The following RGS7BP variants were observed in gnomAD, a reference collection of about 807,000 sequenced individuals.
RGS7BP encodes the protein regulator of G protein signaling 7-binding protein.
In RGS7BP, 9 loss-of-function variants were observed where a neutral mutation model predicts 31.3. That is an observed-to-expected ratio of 0.29 (90% CI 0.17 to 0.50). RGS7BP has a LOEUF of 0.50. Among genes scored for constraint, RGS7BP ranks in the 20% least tolerant of loss-of-function variants. RGS7BP has a pLI of 0.98. For synonymous variants in RGS7BP, 115 were observed against 120.1 expected, an observed-to-expected ratio of 0.96 and a Z score of 0.28; for missense variants, 274 against 322.0, an observed-to-expected ratio of 0.85 and a Z score of 1.14.
chr5:64,553,324 C>T (rs1741841962), intron 2 of RGS7BP, among the ~76,000 whole-genome samples: 1 of 151,926 alleles, frequency 6.6e-6, no homozygotes, highest in Non-Finnish European at 1.5e-5. Context: ...AGGCATGTGC[C>T]ACTACACCCA....
chr5:64,569,273 G>T (rs1450978470), intron 2 of RGS7BP, among the ~76,000 whole-genome samples: 2 of 151,532 alleles, frequency 1.3e-5, no homozygotes, highest in African/African-American at 2.4e-5. Context: ...AATCACACTT[G>T]CTAAGGCTCT....
intron 5 of RGS7BP, among the ~76,000 whole-genome samples, chr5:64,607,386 T>G (rs1388145753): frequency 1.3e-5 from 2 of 152,180 alleles, no homozygotes; most frequent in Middle Eastern, 3.4e-3. Context: ...GGCTACAACT[T>G]GGTTTTATAC....
At chr5:64,530,840 A>AAT (rs1272120234) in intron 2 of RGS7BP, among the ~76,000 whole-genome samples, 1 of 152,180 alleles carries the variant, frequency 6.6e-6, no homozygotes, top group Non-Finnish European at 1.5e-5. Flanking sequence ...CATTATTCCA[A>AAT]ATAATGCAAA....
intron 2 of RGS7BP, among the ~76,000 whole-genome samples, chr5:64,536,415 C>T (rs1426158424): frequency 2.0e-5 from 3 of 152,078 alleles, no homozygotes; most frequent in Non-Finnish European, 4.4e-5. Context: ...GATTATGTTC[C>T]TTATGGTGTT....
At chr5:64,558,980 A>C (rs1262699033) in intron 2 of RGS7BP, among the ~76,000 whole-genome samples, 3 of 152,168 alleles carry the variant, frequency 2.0e-5, no homozygotes, top group South Asian at 4.1e-4. Context: ...GATGTTTATC[A>C]ATGACAATGC....
chr5:64,606,967 T>C (rs1743381292), intron 5 of RGS7BP, among the ~76,000 whole-genome samples: 1 of 151,112 alleles, frequency 6.6e-6, no homozygotes, highest in Non-Finnish European at 1.5e-5. Flanking sequence ...TTTTAATCTC[T>C]GGAGACTGGG....
intron 4 of RGS7BP, among the ~76,000 whole-genome samples, chr5:64,595,874 T>C (rs1192432450): frequency 2.0e-5 from 3 of 152,218 alleles, no homozygotes; most frequent in Non-Finnish European, 4.4e-5. Context: ...TCTGTGTTTA[T>C]AGAAAATTGG....
chr5:64,569,614 C>T (rs1325799627), intron 2 of RGS7BP, among the ~76,000 whole-genome samples: 2 of 152,094 alleles, frequency 1.3e-5, no homozygotes, highest in Non-Finnish European at 2.9e-5. Context: ...TTCCCTGCCC[C>T]CAACTATCCA....
intron 2 of RGS7BP, among the ~76,000 whole-genome samples, chr5:64,542,465 A>T (rs1295809880): frequency 6.6e-6 from 1 of 152,232 alleles, no homozygotes; most frequent in Non-Finnish European, 1.5e-5. Flanking sequence ...GCCAGCCATG[A>T]CCCATAAATC....
At chr5:64,514,183 A>T (rs1455624221) in intron 2 of RGS7BP, among the ~76,000 whole-genome samples, 3 of 152,176 alleles carry the variant, frequency 2.0e-5, no homozygotes, top group African/African-American at 7.2e-5. Flanking sequence ...TTTTACAAGG[A>T]CAGTAGTCAT....
At position 64,551,220 on chromosome 5, in the gene RGS7BP, C is replaced by G. The variant is rs936589754; in HGVS notation, c.333-24554C>G. On this transcript the variant is annotated intron_variant, in intron 2 of 5. Transcript: ENST00000334025. Reference sequence around the variant, plus strand: ...CAAAGATTACTGTCTATAGAAGCATCCTGTGTCTTAAGGATTTTTTTTATT... The same window carrying G: ...CAAAGATTACTGTCTATAGAAGCATGCTGTGTCTTAAGGATTTTTTTTATT... Among the ~76,000 whole-genome samples, 5 of 151,158 alleles carry G rather than the reference C, an allele frequency of 3.3e-5. No homozygotes were observed. In the Middle Eastern group the frequency reaches 0.01, roughly 311 times the overall value.
intron 2 of RGS7BP, among the ~76,000 whole-genome samples, chr5:64,512,885 A>C (rs1402839801): frequency 6.6e-6 from 1 of 152,210 alleles, no homozygotes. Context: ...TACATAAATC[A>C]GCCTAGATTC....
At chr5:64,526,501 A>C (rs752136258) in intron 2 of RGS7BP, among the ~76,000 whole-genome samples, 1 of 152,158 alleles carries the variant, frequency 6.6e-6, no homozygotes, top group Non-Finnish European at 1.5e-5. Context: ...GTCTTTTCCT[A>C]ATTTGCAATC....
chr5:64,547,604 TTTAA>T (rs1741688678), intron 2 of RGS7BP, among the ~76,000 whole-genome samples: 1 of 152,154 alleles, frequency 6.6e-6, no homozygotes, highest in Admixed American at 6.5e-5. Context: ...AAATAAGTAA[TTTAA>T]TTATCCATTA....
intron 3 of RGS7BP, 26 bp downstream of exon 3, chr5:64,575,930 A>G (rs1742409521): frequency 6.3e-7 from 1 of 1,599,212 alleles, no homozygotes; most frequent in Non-Finnish European, 8.5e-7. Flanking sequence ...ATTGCCGGAA[A>G]CACTGAGGAA....
chr5:64,591,578 T>A (rs763242572), intron 3 of RGS7BP, among the ~76,000 whole-genome samples: 7 of 152,092 alleles, frequency 4.6e-5, no homozygotes, highest in Non-Finnish European at 8.8e-5. Context: ...TGGCAATATA[T>A]ATTAAAATTT....
At chr5:64,585,715 T>A (rs1394789031) in intron 3 of RGS7BP, among the ~76,000 whole-genome samples, 1 of 152,220 alleles carries the variant, frequency 6.6e-6, no homozygotes. Context: ...ATGTGCTTCA[T>A]GGGTGGCTTC....
At chr5:64,538,518 C>CTTT (rs1741435781) in intron 2 of RGS7BP, among the ~76,000 whole-genome samples, 1 of 60,574 alleles carries the variant, frequency 1.7e-5, no homozygotes, top group African/African-American at 7.5e-5. Flanking sequence ...TTTTTTTTTC[C>CTTT]TTTTCTTTTC....
intron 2 of RGS7BP, among the ~76,000 whole-genome samples, chr5:64,571,132 A>C (rs1177120082): frequency 6.6e-6 from 1 of 152,052 alleles, no homozygotes; most frequent in Non-Finnish European, 1.5e-5. Context: ...ATTTACCATC[A>C]GTTTTACCTG....
Sources: allele counts gnomAD v4.1 joint callset (sites outside exome capture counted in the v4.1 genomes callset), GRCh38; gene constraint gnomAD v4.1.1; transcripts MANE v1.5; gene names NCBI Gene and HGNC (gene_info 2026-07-23, HGNC 2026-07-21).